The following EPHA5 variants were observed in gnomAD, a reference collection of about 807,000 sequenced individuals.
The protein encoded by EPHA5 is EPH receptor A5.
EPHA5 carries 60 observed loss-of-function variants against 105.0 expected under a neutral mutation model. That is an observed-to-expected ratio of 0.57 (90% CI 0.46 to 0.71). The LOEUF (loss-of-function observed/expected upper bound fraction) is 0.71, where lower values mean the gene tolerates loss of function less well. Among genes scored for constraint, EPHA5 ranks in the 30% least tolerant of loss-of-function variants. EPHA5 has a pLI of 0.00. For missense variants in EPHA5, 1,218 were observed against 1,274.7 expected (o/e 0.96, Z 0.68); for synonymous variants, 513 against 449.1 (o/e 1.14, Z -1.80).
At chr4:65,567,233 T>A (rs1244611391) in intron 3 of EPHA5, among the ~76,000 whole-genome samples, 1 of 151,664 alleles carries the variant, frequency 6.6e-6, no homozygotes, top group African/African-American at 2.4e-5. Flanking sequence ...TCAGCAAACT[T>A]GGTAGATAAT....
chr4:65,651,858 GA>G (rs1440344773), intron 1 of EPHA5, among the ~76,000 whole-genome samples: 2 of 152,062 alleles, frequency 1.3e-5, no homozygotes, highest in East Asian at 3.9e-4. Flanking sequence ...AAAGAATTCA[GA>G]AACAGTATCC....
chr4:65,664,067 A>G (rs775927217), intron 1 of EPHA5, among the ~76,000 whole-genome samples: 10 of 152,054 alleles, frequency 6.6e-5, no homozygotes, highest in Admixed American at 4.6e-4. Flanking sequence ...TTTAAAATCT[A>G]TCTCATGAAC....
At chr4:65,651,299 C>T (rs1257814296) in intron 1 of EPHA5, among the ~76,000 whole-genome samples, 1 of 152,164 alleles carries the variant, frequency 6.6e-6, no homozygotes, top group Non-Finnish European at 1.5e-5. Flanking sequence ...TTGCCTCTCT[C>T]AGGAATTGCT....
chr4:65,532,868 T>G (rs539503678), intron 3 of EPHA5, among the ~76,000 whole-genome samples: 1 of 152,172 alleles, frequency 6.6e-6, no homozygotes, highest in East Asian at 1.9e-4. Flanking sequence ...ATGGCCATCA[T>G]TGCCAGCATC....
chr4:65,393,716 C>G (rs1424302230), intron 8 of EPHA5, among the ~76,000 whole-genome samples: 1 of 152,138 alleles, frequency 6.6e-6, no homozygotes, highest in Non-Finnish European at 1.5e-5. Flanking sequence ...GTTTTAATAT[C>G]TGGGAACTTT....
chr4:65,567,938 C>T (rs1739723180), intron 3 of EPHA5, among the ~76,000 whole-genome samples: 1 of 150,600 alleles, frequency 6.6e-6, no homozygotes, highest in South Asian at 2.1e-4. Flanking sequence ...ATTTTTTTTT[C>T]TTCAGGGGCA....
intron 1 of EPHA5, among the ~76,000 whole-genome samples, chr4:65,657,842 A>G (rs1330017850): frequency 6.7e-6 from 1 of 149,518 alleles, no homozygotes; most frequent in Non-Finnish European, 1.5e-5. Flanking sequence ...TGGAGGTGGC[A>G]CTCAATGAGT....
chr4:65,333,701 C>T (rs1397003853), intron 15 of EPHA5, among the ~76,000 whole-genome samples: 1 of 148,574 alleles, frequency 6.7e-6, no homozygotes, highest in Non-Finnish European at 1.5e-5. Context: ...TATAACTCCA[C>T]TATAGACAAT....
intron 3 of EPHA5, among the ~76,000 whole-genome samples, chr4:65,515,416 C>A (rs13144117): frequency 0.086 from 13,080 of 151,996 alleles, 748 homozygotes; most frequent in East Asian, 0.16. Context: ...TTGTATTATA[C>A]CCATATATAA....
At chr4:65,423,856 G>A (rs4495096) in intron 5 of EPHA5, among the ~76,000 whole-genome samples, 146,865 of 151,936 alleles carry the variant, frequency 0.97, 71,218 homozygotes, top group East Asian at 1. Context: ...TGCCACTGAG[G>A]TGCCATTGCT....
intron 3 of EPHA5, among the ~76,000 whole-genome samples, chr4:65,522,305 T>C: frequency 8.6e-6 from 1 of 116,900 alleles, no homozygotes; most frequent in Admixed American, 1.1e-4. Context: ...TATGTGTGTG[T>C]ATATATATAT....
chr4:65,529,928 T>C (rs35432888), intron 3 of EPHA5, among the ~76,000 whole-genome samples: 41,839 of 151,986 alleles, frequency 0.28, 5,874 homozygotes, highest in Middle Eastern at 0.34. Flanking sequence ...ATTGGAAACA[T>C]TGATACCTAA....
At chr4:65,545,215 T>C (rs921939009) in intron 3 of EPHA5, among the ~76,000 whole-genome samples, 4 of 151,924 alleles carry the variant, frequency 2.6e-5, no homozygotes, top group Non-Finnish European at 5.9e-5. Flanking sequence ...GATTCTTTAA[T>C]AAGCATATTT....
intron 15 of EPHA5, among the ~76,000 whole-genome samples, chr4:65,335,153 T>C (rs1204370737): frequency 6.6e-6 from 1 of 152,028 alleles, no homozygotes; most frequent in Non-Finnish European, 1.5e-5. Context: ...GTTATTAACA[T>C]AACACTTTCT....
At chr4:65,450,519 A>T (rs988160732) in intron 5 of EPHA5, among the ~76,000 whole-genome samples, 5 of 152,178 alleles carry the variant, frequency 3.3e-5, no homozygotes, top group Non-Finnish European at 1.5e-5. Flanking sequence ...CCAATGTAAA[A>T]TCTGGTAGAC....
chr4:65,451,040 A>T (rs1727016458), intron 5 of EPHA5, among the ~76,000 whole-genome samples: 1 of 152,124 alleles, frequency 6.6e-6, no homozygotes, highest in African/African-American at 2.4e-5. Context: ...TTCAATACAG[A>T]CCTTCTAATG....
At chr4:65,380,700 G>C (rs566090884) in intron 8 of EPHA5, among the ~76,000 whole-genome samples, 1 of 151,634 alleles carries the variant, frequency 6.6e-6, no homozygotes. Context: ...AAACTAAAAG[G>C]CTGCATAATT....
In EPHA5 at chr4:65,404,358, C is replaced by G. The variant is rs2148990391; in HGVS notation, c.1793+16G>C. On this transcript the variant is annotated intron_variant, in intron 8 of 16. Coordinates refer to ENST00000613740, the MANE Select transcript of EPHA5 (RefSeq NM_001281766.3). The stretch of plus-strand genomic sequence containing the variant: ...GATCAGCTGCAGAACTTCAGAATCA[C>G]AGCTTCCTCTCTTACCTTCCACTGA... 1 of 1,606,682 alleles carries G rather than the reference C, an allele frequency of 6.2e-7. No homozygotes were observed. The highest frequency in any genetic ancestry group is 8.5e-7 in the Non-Finnish European group (1 of 1,173,668).
At chr4:65,340,475 G>T (rs374502918) in intron 14 of EPHA5, among the ~76,000 whole-genome samples, 35 of 152,190 alleles carry the variant, frequency 2.3e-4, no homozygotes, top group East Asian at 1.2e-3. Context: ...TTCTCACAGT[G>T]GGGGCAGGGA....
Sources: gnomAD v4.1 joint callset for allele counts (sites outside exome capture counted in the v4.1 genomes callset) on GRCh38, gnomAD v4.1.1 for gene constraint, MANE v1.5 for transcripts, NCBI Gene and HGNC (gene_info 2026-07-23, HGNC 2026-07-21) for gene names.